PIWIL1: variants seen among roughly 807,000 people sequenced by gnomAD.
The protein encoded by PIWIL1 is piwi-like protein 1.
In PIWIL1, 73 loss-of-function variants were observed where a neutral mutation model predicts 114.4. The observed-to-expected ratio is 0.64, with a 90% CI of 0.53 to 0.78. The LOEUF (loss-of-function observed/expected upper bound fraction) is 0.78. PIWIL1 is among the 30% of genes least tolerant of loss of function. PIWIL1 has a pLI of 0.00. For missense variants in PIWIL1, 723 were observed against 1,063.1 expected, an observed-to-expected ratio of 0.68 and a Z score of 4.45; for synonymous variants, 375 against 369.0, an observed-to-expected ratio of 1.02 and a Z score of -0.19.
rs1207619712 is a variant in PIWIL1 at position 130,342,297 on chromosome 12, A to C, written c.-12-283A>C. ...ATTCTTTCAGCACTTTCTCCTCCTA[A>C]GTCTGTTTATAATAAATAATCCAAA... On this transcript the variant is annotated intron_variant, in intron 1 of 20. Coordinates refer to ENST00000245255, the MANE Select transcript of PIWIL1 (RefSeq NM_004764.5). 1.2e-5 allele frequency: 5 copies of C among 414,290 alleles called. No individual in the cohort carries two copies. The East Asian group carries it at 2.2e-4, about 18-fold the overall frequency. The allele number at this position is 414,290 out of a possible 1,614,324, so 25.7% of individuals were successfully genotyped here. A position where few individuals can be genotyped will look rare whatever the true frequency, so the allele number is the denominator to read the frequency against.
chr12:130,401,066 A>G, the PIWIL1 span, among the ~76,000 whole-genome samples: 3,443 of 152,292 alleles, frequency 0.023, 134 homozygotes, highest in African/African-American at 0.079. Flanking sequence ...TGTTTGCACA[A>G]TGTAAACATA....
At chr12:130,411,821 CA>C in the PIWIL1 span, among the ~76,000 whole-genome samples, 1 of 148,878 alleles carries the variant, frequency 6.7e-6, no homozygotes, top group Non-Finnish European at 1.5e-5. Context: ...TTATTAATGC[CA>C]AAAAAGGTTG....
the PIWIL1 span, chr12:130,396,116 AAAGAG>A: frequency 2.6e-5 from 4 of 152,680 alleles, no homozygotes; most frequent in Non-Finnish European, 4.4e-5. Flanking sequence ...TATTTAAAAC[AAAGAG>A]AATAAACAGT....
the PIWIL1 span, among the ~76,000 whole-genome samples, chr12:130,390,379 T>C: frequency 1.3e-5 from 2 of 152,130 alleles, no homozygotes; most frequent in Admixed American, 6.6e-5. Context: ...CCCCAGAAGG[T>C]AGAGATGGTG....
At chr12:130,411,673 C>T in the PIWIL1 span, among the ~76,000 whole-genome samples, 5 of 152,184 alleles carry the variant, frequency 3.3e-5, no homozygotes, top group East Asian at 3.9e-4. Flanking sequence ...TAGTCAACTT[C>T]GGGAAAGGAG....
intron 3 of PIWIL1, among the ~76,000 whole-genome samples, chr12:130,344,389 C>T (rs532578231): frequency 6.6e-6 from 1 of 151,998 alleles, no homozygotes; most frequent in Admixed American, 6.5e-5. Context: ...TAGGTAGAGC[C>T]CCCTCCAAAT....
Position 130,361,180 on chromosome 12 carries a change from G to A in PIWIL1, c.1666G>A (p.Val556Ile), listed in dbSNP as rs774657568. ...TGTAACAAGGGCACTTTGTTTTCAG[G>A]TTGTCTGTCTGTTGTCAAGTAATCG... ...QQKVTADTQI[V>I]VCLLSSNRKD... The change falls in exon 15 of 21, where the codon GTT becomes ATT. Residue 556 changes from valine to isoleucine, a missense_variant and splice_region_variant. Physicochemically the swap from Val to Ile is conservative, Grantham distance 29. Coordinates refer to ENST00000245255, the MANE Select transcript of PIWIL1 (RefSeq NM_004764.5). 2 of 1,613,950 alleles carry A rather than the reference G, an allele frequency of 1.2e-6. No homozygotes were observed. The highest frequency in any genetic ancestry group is 1.1e-5 in the South Asian group (1 of 91,038).
the PIWIL1 span, chr12:130,399,536 C>T: frequency 4.4e-5 from 38 of 855,728 alleles, no homozygotes; most frequent in South Asian, 8.1e-4. Flanking sequence ...GTACAACTCC[C>T]ATGGCTTCAG....
At chr12:130,361,887 A>G (rs558890212) in intron 16 of PIWIL1, among the ~76,000 whole-genome samples, 1 of 152,292 alleles carries the variant, frequency 6.6e-6, no homozygotes, top group South Asian at 2.1e-4. Context: ...TTTACTGGCC[A>G]CTGAAATGTA....
the PIWIL1 span, among the ~76,000 whole-genome samples, chr12:130,419,306 G>A: frequency 6.6e-6 from 1 of 152,156 alleles, no homozygotes; most frequent in Non-Finnish European, 1.5e-5. The surrounding 1 kb of genome is among the most constrained non-coding windows in gnomAD (Gnocchi z 4.3). Context: ...TGGCCCAAGG[G>A]GTCTTTGTTA....
At chr12:130,379,234 A>G in the PIWIL1 span, among the ~76,000 whole-genome samples, 1 of 152,266 alleles carries the variant, frequency 6.6e-6, no homozygotes, top group Non-Finnish European at 1.5e-5. Flanking sequence ...TCTATAAATA[A>G]TGCCTTTTTT....
chr12:130,396,736 A>C, the PIWIL1 span: 1 of 152,650 alleles, frequency 6.6e-6, no homozygotes, highest in Non-Finnish European at 1.5e-5. Flanking sequence ...TGATTGAGTA[A>C]ACATTTTCTG....
intron 3 of PIWIL1, chr12:130,345,357 C>T: frequency 6.5e-6 from 1 of 154,858 alleles, no homozygotes; most frequent in Non-Finnish European, 1.4e-5. Context: ...GTTGTAATTG[C>T]ATCATGACAG....
chr12:130,349,181 G>A (rs1038005921), intron 7 of PIWIL1, 58 bp from the exon 8 acceptor site: 6 of 1,264,034 alleles, frequency 4.7e-6, no homozygotes, highest in Admixed American at 1.8e-5. Flanking sequence ...GCAACTTAGT[G>A]TGTGCAGAAT....
intron 19 of PIWIL1, among the ~76,000 whole-genome samples, chr12:130,367,971 T>C (rs560592917): frequency 2.0e-5 from 3 of 152,310 alleles, no homozygotes; most frequent in East Asian, 1.9e-4. Flanking sequence ...CTAATTTTTG[T>C]GTTTTTAGTA....
chr12:130,418,982 G>T, the PIWIL1 span, among the ~76,000 whole-genome samples: 1 of 152,178 alleles, frequency 6.6e-6, no homozygotes, highest in South Asian at 2.1e-4. Context: ...AGACAGGTGT[G>T]GGGTAGAGGT....
downstream of PIWIL1, among the ~76,000 whole-genome samples, chr12:130,377,533 G>A (rs1041255973): frequency 6.6e-6 from 1 of 152,366 alleles, no homozygotes; most frequent in Middle Eastern, 3.4e-3. Context: ...AGGCGAAAAA[G>A]CAACCCGGCT....
the PIWIL1 span, among the ~76,000 whole-genome samples, chr12:130,419,033 G>A: frequency 6.6e-6 from 1 of 152,196 alleles, no homozygotes; most frequent in Non-Finnish European, 1.5e-5. The surrounding 1 kb of genome is among the most constrained non-coding windows in gnomAD (Gnocchi z 4.3). Flanking sequence ...AATAAAATCA[G>A]CGTATGCGGT....
At chr12:130,402,817 T>C in the PIWIL1 span, among the ~76,000 whole-genome samples, 1 of 152,232 alleles carries the variant, frequency 6.6e-6, no homozygotes, top group Non-Finnish European at 1.5e-5. Context: ...CGTACCTTAG[T>C]ACGCCACGTG....
Sources: allele counts gnomAD v4.1 joint callset (sites outside exome capture counted in the v4.1 genomes callset), GRCh38; gene constraint gnomAD v4.1.1; non-coding constraint Gnocchi (gnomAD v3.1); transcripts MANE v1.5; gene names NCBI Gene and HGNC (gene_info 2026-07-23, HGNC 2026-07-21).